Variants in CDKAL1 observed in about 807,000 individuals in gnomAD.
The protein encoded by CDKAL1 is CDKAL1 threonylcarbamoyladenosine tRNA methylthiotransferase.
In CDKAL1, 32 loss-of-function variants were observed where a neutral mutation model predicts 68.2. That is an observed-to-expected ratio of 0.47 (90% CI 0.35 to 0.63). The LOEUF (loss-of-function observed/expected upper bound fraction) is 0.63. Among genes scored for constraint, CDKAL1 ranks in the 30% least tolerant of loss-of-function variants. The pLI is 0.00. For synonymous variants in CDKAL1, 234 were observed against 244.3 expected (o/e 0.96, Z 0.39); for missense variants, 606 against 696.7 (o/e 0.87, Z 1.47).
chr6:20,914,147 G>A (rs1305296714), intron 9 of CDKAL1, among the ~76,000 whole-genome samples: 1 of 151,960 alleles, frequency 6.6e-6, no homozygotes, highest in African/African-American at 2.4e-5. Flanking sequence ...AAAATTAGCT[G>A]GGCGTGGTGG....
chr6:20,803,602 T>G (rs1008702490), intron 8 of CDKAL1, among the ~76,000 whole-genome samples: 3 of 152,074 alleles, frequency 2.0e-5, no homozygotes, highest in Non-Finnish European at 4.4e-5. Flanking sequence ...GAGAGTTGTT[T>G]AGGTTAAATG....
At chr6:21,066,544 TACTACATGACAATCA>T (rs1459012913) in intron 12 of CDKAL1, among the ~76,000 whole-genome samples, 1 of 152,258 alleles carries the variant, frequency 6.6e-6, no homozygotes, top group Non-Finnish European at 1.5e-5. Flanking sequence ...TAGTGCAACC[TACTACATGACAATCA>T]AGATATAGAA....
At chr6:20,975,088 T>C (rs937568209) in intron 10 of CDKAL1, among the ~76,000 whole-genome samples, 2 of 152,088 alleles carry the variant, frequency 1.3e-5, no homozygotes, top group East Asian at 1.9e-4. Context: ...ATTTATCTTA[T>C]GTCCCTGTAT....
At chr6:21,135,606 TACATAATTACA>T in intron 13 of CDKAL1, 1 of 757,710 alleles carries the variant, frequency 1.3e-6, no homozygotes, top group Non-Finnish European at 1.6e-6. Flanking sequence ...GCTAGTTGAC[TACATAATTACA>T]ACATAATTTA....
At chr6:20,695,283 A>T (rs534076402) in intron 5 of CDKAL1, among the ~76,000 whole-genome samples, 14 of 152,298 alleles carry the variant, frequency 9.2e-5, no homozygotes, top group African/African-American at 3.4e-4. Flanking sequence ...ATTTCCTAAA[A>T]AATATCTAGG....
chr6:20,599,657 C>T (rs2294809), intron 4 of CDKAL1, among the ~76,000 whole-genome samples: 34,845 of 151,956 alleles, frequency 0.23, 4,928 homozygotes, highest in East Asian at 0.53. Flanking sequence ...ATAAAAAGGT[C>T]GTGTGGTAGG....
chr6:20,541,975 A>G (rs1360596538), intron 2 of CDKAL1, among the ~76,000 whole-genome samples: 1 of 152,248 alleles, frequency 6.6e-6, no homozygotes, highest in Non-Finnish European at 1.5e-5. Flanking sequence ...CAGTCTTACC[A>G]TGACCACGTG....
intron 4 of CDKAL1, among the ~76,000 whole-genome samples, chr6:20,611,655 A>G (rs920810548): frequency 6.6e-6 from 1 of 152,174 alleles, no homozygotes; most frequent in Non-Finnish European, 1.5e-5. Context: ...GGTACGTGTA[A>G]TATTTTGTTA....
intron 10 of CDKAL1, among the ~76,000 whole-genome samples, chr6:20,979,701 C>T (rs1019620424): frequency 7.9e-5 from 12 of 151,368 alleles, no homozygotes; most frequent in African/African-American, 2.9e-4. Flanking sequence ...GGTATTGACA[C>T]TTTTGTTTGC....
At chr6:20,731,935 C>A (rs1772950032) in intron 5 of CDKAL1, among the ~76,000 whole-genome samples, 1 of 152,148 alleles carries the variant, frequency 6.6e-6, no homozygotes, top group Non-Finnish European at 1.5e-5. Flanking sequence ...TCTCCCCTTA[C>A]CTTGCTGCCA....
chr6:20,842,635 C>G (rs1392455870), intron 8 of CDKAL1, among the ~76,000 whole-genome samples: 2 of 152,130 alleles, frequency 1.3e-5, no homozygotes, highest in Non-Finnish European at 2.9e-5. Context: ...AGTTCGAGAC[C>G]AGCCTGACCA....
intron 5 of CDKAL1, chr6:20,722,224 G>A (rs1055887757): frequency 3.3e-5 from 5 of 151,308 alleles, no homozygotes; most frequent in Admixed American, 6.6e-5. Context: ...ACCATAATAC[G>A]TTCTGAAATA....
At chr6:20,555,049 T>C (rs184942191) in intron 4 of CDKAL1, among the ~76,000 whole-genome samples, 2 of 152,344 alleles carry the variant, frequency 1.3e-5, no homozygotes, top group African/African-American at 2.4e-5. Flanking sequence ...GATAGTTTCT[T>C]TGTATATGTG....
At chr6:20,945,762 T>G (rs1421828371) in intron 9 of CDKAL1, among the ~76,000 whole-genome samples, 1 of 152,212 alleles carries the variant, frequency 6.6e-6, no homozygotes, top group African/African-American at 2.4e-5. Context: ...TCCCTCTAGG[T>G]GATACCAACT....
At chr6:21,007,480 C>T (rs1767789656) in intron 11 of CDKAL1, among the ~76,000 whole-genome samples, 2 of 48,280 alleles carry the variant, frequency 4.1e-5, no homozygotes, top group East Asian at 6.3e-4. Flanking sequence ...AAGACCCTGT[C>T]TCAAAAAAAA....
intron 11 of CDKAL1, among the ~76,000 whole-genome samples, chr6:21,019,574 A>G (rs1053988753): frequency 6.6e-6 from 1 of 152,222 alleles, no homozygotes; most frequent in African/African-American, 2.4e-5. Context: ...GATTAGATAT[A>G]TGAAATTTAC....
chr6:20,951,080 A>C (rs907126169), intron 9 of CDKAL1, among the ~76,000 whole-genome samples: 8 of 152,158 alleles, frequency 5.3e-5, no homozygotes, highest in Non-Finnish European at 1.2e-4. Flanking sequence ...TGTGTACTTG[A>C]TGTAGGTTTC....
At chr6:20,930,413 C>G (rs1247659434) in intron 9 of CDKAL1, among the ~76,000 whole-genome samples, 3 of 152,152 alleles carry the variant, frequency 2.0e-5, no homozygotes. Context: ...TAGGTCTGAA[C>G]AGGCTATGCC....
At chr6:20,740,374 C>T (rs1029613538) in intron 6 of CDKAL1, among the ~76,000 whole-genome samples, 1 of 151,978 alleles carries the variant, frequency 6.6e-6, no homozygotes, top group East Asian at 1.9e-4. Flanking sequence ...AGACTACTGT[C>T]TATTCTCTCT....
Sources: allele counts gnomAD v4.1 joint callset (sites outside exome capture counted in the v4.1 genomes callset), GRCh38; gene constraint gnomAD v4.1.1; transcripts MANE v1.5; gene names NCBI Gene and HGNC (gene_info 2026-07-23, HGNC 2026-07-21).